The following TP63 variants were observed in gnomAD, a reference collection of about 807,000 sequenced individuals.
TP63 encodes tumor protein 63.
In TP63, 17 loss-of-function variants were observed where a neutral mutation model predicts 82.8. The ratio of observed to expected loss-of-function variants is 0.21; its 90% CI spans 0.14 to 0.31. The LOEUF (loss-of-function observed/expected upper bound fraction) is 0.31. TP63 is among the 10% of genes least tolerant of loss of function. TP63 has a pLI of 1.00. For synonymous variants in TP63, 330 were observed against 321.7 expected, an observed-to-expected ratio of 1.03 and a Z score of -0.28; for missense variants, 648 against 895.3, an observed-to-expected ratio of 0.72 and a Z score of 3.52.
intron 1 of TP63, among the ~76,000 whole-genome samples, chr3:189,671,702 C>G (rs1714905864): frequency 6.6e-6 from 1 of 151,856 alleles, no homozygotes; most frequent in Non-Finnish European, 1.5e-5. Context: ...GAATACTATT[C>G]AGCAATAAAA....
intron 1 of TP63, among the ~76,000 whole-genome samples, chr3:189,675,206 C>T (rs1183807630): frequency 6.6e-6 from 1 of 152,100 alleles, no homozygotes; most frequent in Non-Finnish European, 1.5e-5. Flanking sequence ...GTCATGAGAG[C>T]TCTGCCTTCA....
rs1208582002 is a variant in TP63, at chr3:189,895,883, A to G, written c.*1381A>G. ...TGTATCATTTTCTTTTTTAACCGGT[A>G]AGAGTTTCAGTTTGTTGGAAAGTAA... On this transcript the variant is annotated 3_prime_UTR_variant, in exon 14 of 14. Transcript: ENST00000264731. The G allele has an allele frequency of 3.5e-5, 8 of 225,646 alleles. No homozygotes were observed. The highest frequency in any genetic ancestry group is 5.7e-5 in the Admixed American group (1 of 17,538). 14.0% of individuals were successfully genotyped at this position (225,646 alleles called of 1,614,324 possible).
intron 1 of TP63, among the ~76,000 whole-genome samples, chr3:189,690,635 A>G (rs1716843183): frequency 6.6e-6 from 1 of 152,234 alleles, no homozygotes; most frequent in Non-Finnish European, 1.5e-5. Flanking sequence ...GAGTGGCTCA[A>G]GAAGGAAAAC....
intron 4 of TP63, among the ~76,000 whole-genome samples, chr3:189,827,356 C>G (rs923227227): frequency 1.3e-5 from 2 of 152,110 alleles, no homozygotes; most frequent in Admixed American, 6.6e-5. Context: ...TACCCACCCC[C>G]CACCAGCTCC....
intron 1 of TP63, among the ~76,000 whole-genome samples, chr3:189,636,246 C>A (rs1406250800): frequency 1.3e-5 from 2 of 152,090 alleles, no homozygotes; most frequent in African/African-American, 4.8e-5. Flanking sequence ...ATTTAAATAG[C>A]AGAGAGTCAT....
intron 4 of TP63, among the ~76,000 whole-genome samples, chr3:189,839,826 G>A (rs1395225796): frequency 6.6e-6 from 1 of 152,178 alleles, no homozygotes; most frequent in Non-Finnish European, 1.5e-5. Flanking sequence ...GCCTTGAAAT[G>A]AGTCACACAA....
At chr3:189,644,496 A>G (rs1342843291) in intron 1 of TP63, among the ~76,000 whole-genome samples, 1 of 152,244 alleles carries the variant, frequency 6.6e-6, no homozygotes, top group Non-Finnish European at 1.5e-5. Context: ...TGGGGCCCAC[A>G]TCAGTCCTAC....
intron 4 of TP63, among the ~76,000 whole-genome samples, chr3:189,841,363 A>C (rs1393608881): frequency 6.6e-6 from 1 of 152,230 alleles, no homozygotes; most frequent in Admixed American, 6.5e-5. Context: ...TAAACTGTTA[A>C]GGACTATACA....
intron 4 of TP63, among the ~76,000 whole-genome samples, chr3:189,846,121 T>C (rs1164478398): frequency 6.6e-6 from 1 of 151,142 alleles, no homozygotes; most frequent in Non-Finnish European, 1.5e-5. Flanking sequence ...ACTGGAATTC[T>C]TTTTTTTTCC....
intron 1 of TP63, among the ~76,000 whole-genome samples, chr3:189,678,510 T>C (rs2378509): frequency 0.86 from 131,510 of 152,110 alleles, 56,893 homozygotes; most frequent in African/African-American, 0.89. Flanking sequence ...TTTTAAGTAA[T>C]ATAACATGAA....
chr3:189,607,626 T>C, the TP63 span, among the ~76,000 whole-genome samples: 1 of 151,776 alleles, frequency 6.6e-6, no homozygotes, highest in South Asian at 2.1e-4. Flanking sequence ...TATAAATTTG[T>C]TTCTATTATA....
chr3:189,816,275 A>C (rs16864812), intron 4 of TP63, among the ~76,000 whole-genome samples: 52,203 of 152,080 alleles, frequency 0.34, 9,189 homozygotes, highest in East Asian at 0.52. Flanking sequence ...TTAAGCTCAA[A>C]AGAGATCCCT....
intron 4 of TP63, among the ~76,000 whole-genome samples, chr3:189,861,371 G>T (rs1466604494): frequency 6.6e-6 from 1 of 151,706 alleles, no homozygotes; most frequent in Non-Finnish European, 1.5e-5. Flanking sequence ...TGATCCTATG[G>T]TGTGTTTGAA....
In TP63 at chr3:189,631,564, C is replaced by G. The variant is rs200000559; in HGVS notation, c.49C>G (p.Pro17Ala). Residue 17 changes from proline to alanine, a missense_variant, in exon 1 of 14, where the codon CCT (proline) becomes GCT (alanine). Around this residue, in one of 5 missense-constraint regions of TP63, gnomAD observed 182 missense variants for 213.6 expected, o/e 0.85. Transcript: ENST00000264731. Reference protein sequence around the residue: ...RCATLQYCPDPYIQRFVETPA... With the variant: ...RCATLQYCPDAYIQRFVETPA... ...TGCCACCCTACAGTACTGCCCTGAC[C>G]CTTACATCCAGCGGTGAGTTTGAAT... The G allele has an allele frequency of 6.2e-7, 1 of 1,612,848 alleles. No individual in the cohort carries two copies. Among genetic ancestry groups the G allele is most frequent in the East Asian group, 2.2e-5 (1 of 44,850 alleles).
intron 3 of TP63, among the ~76,000 whole-genome samples, chr3:189,790,765 C>T (rs887655176): frequency 1.3e-5 from 2 of 152,114 alleles, no homozygotes; most frequent in South Asian, 2.1e-4. Context: ...GATAAAAATG[C>T]TTGCAGGTGA....
intron 3 of TP63, chr3:189,739,003 C>T: frequency 1.7e-6 from 1 of 589,862 alleles, no homozygotes; most frequent in South Asian, 2.0e-5. Flanking sequence ...GAGGGAGATT[C>T]TTTACATCTT....
chr3:189,682,737 G>C (rs1051895954), intron 1 of TP63, among the ~76,000 whole-genome samples: 2 of 151,838 alleles, frequency 1.3e-5, no homozygotes, highest in Middle Eastern at 6.8e-3. Flanking sequence ...AGTAATACAG[G>C]TATCACTCCT....
chr3:189,788,407 G>A (rs1724791604), intron 3 of TP63, among the ~76,000 whole-genome samples: 1 of 152,026 alleles, frequency 6.6e-6, no homozygotes, highest in South Asian at 2.1e-4. Flanking sequence ...CCGAAGTCGT[G>A]AACGTATTTG....
chr3:189,796,740 G>T (rs965929833), intron 3 of TP63, among the ~76,000 whole-genome samples: 1 of 151,966 alleles, frequency 6.6e-6, no homozygotes, highest in Non-Finnish European at 1.5e-5. Flanking sequence ...CCCCACAGTT[G>T]ATTTCCTTAG....
Sources: gnomAD v4.1 joint callset for allele counts (sites outside exome capture counted in the v4.1 genomes callset) on GRCh38, gnomAD v4.1.1 for gene constraint, gnomAD v4.1.1 regional missense constraint, MANE v1.5 for transcripts, NCBI Gene and HGNC (gene_info 2026-07-23, HGNC 2026-07-21) for gene names.